The following MALRD1 variants were observed in gnomAD, a reference collection of about 807,000 sequenced individuals.
MALRD1 encodes the protein MAM and LDL-receptor class A domain-containing protein 1.
MALRD1 carries 247 observed loss-of-function variants against 242.1 expected under a neutral mutation model. The observed-to-expected ratio is 1.02, with a 90% CI of 0.92 to 1.13. The LOEUF (loss-of-function observed/expected upper bound fraction) is 1.13, where lower values mean the gene tolerates loss of function less well. MALRD1 is among the 50% of genes most tolerant of loss of function. The probability of loss-of-function intolerance (pLI) is 0.00; values close to 1 mark genes in which losing one functional copy is unlikely to be tolerated. For missense variants in MALRD1, 2,989 were observed against 2,533.1 expected, an observed-to-expected ratio of 1.18 and a Z score of -3.86; for synonymous variants, 995 against 866.6, an observed-to-expected ratio of 1.15 and a Z score of -2.60.
chr10:19,433,735 AG>A (rs1377331181), intron 28 of MALRD1, among the ~76,000 whole-genome samples: 14 of 152,142 alleles, frequency 9.2e-5, no homozygotes, highest in African/African-American at 3.4e-4. Context: ...GAGAATACAA[AG>A]GCTCAGTGAA....
Position 19,367,448 on chromosome 10 carries a change from T to C in MALRD1, c.4441+15151T>C, listed in dbSNP as rs79572722. Among the ~76,000 whole-genome samples the C allele has an allele frequency of 8.7e-4, 133 of 152,270 alleles. 2 individuals are homozygous for C. The East Asian group carries it at 0.024, about 27-fold the overall frequency. On this transcript the variant is annotated intron_variant, in intron 26 of 39. Coordinates refer to ENST00000454679, the MANE Select transcript of MALRD1 (RefSeq NM_001142308.3). ...TGTTGCTGCTCACGATGGGATTTCT[T>C]GCCTTTTTATGGCTGAATAAGATTG...
chr10:19,163,912 A>T (rs1834558616), intron 12 of MALRD1, among the ~76,000 whole-genome samples: 1 of 152,204 alleles, frequency 6.6e-6, no homozygotes, highest in Non-Finnish European at 1.5e-5. Context: ...CACACTGGTG[A>T]TGTACTGAGT....
intron 35 of MALRD1, among the ~76,000 whole-genome samples, chr10:19,609,499 A>G (rs1411990501): frequency 1.3e-5 from 2 of 152,056 alleles, no homozygotes; most frequent in Non-Finnish European, 2.9e-5. Context: ...TTTTAAGGTC[A>G]GCATTTAATA....
intron 4 of MALRD1, 125 bp downstream of exon 4, chr10:19,088,310 T>A (rs917698042): frequency 1.2e-6 from 1 of 855,570 alleles, no homozygotes; most frequent in Non-Finnish European, 1.5e-6. Context: ...TTCCCAGGAC[T>A]TTCAAATGCT....
intron 24 of MALRD1, among the ~76,000 whole-genome samples, chr10:19,342,132 G>A (rs1454233251): frequency 6.6e-6 from 1 of 152,020 alleles, no homozygotes; most frequent in Non-Finnish European, 1.5e-5. Flanking sequence ...TAAGGTCGAC[G>A]TTCCATCTGA....
intron 32 of MALRD1, among the ~76,000 whole-genome samples, chr10:19,564,908 C>T (rs1300807740): frequency 6.6e-6 from 1 of 152,094 alleles, no homozygotes; most frequent in African/African-American, 2.4e-5. Context: ...GTGGGCTTCT[C>T]ATTAGACATA....
chr10:19,387,615 A>T lies in MALRD1; in HGVS notation c.4529A>T (p.Asp1510Val). The T allele has an allele frequency of 6.4e-7, 1 of 1,550,410 alleles. No homozygotes were observed. The highest frequency in any genetic ancestry group is 8.7e-7 in the Non-Finnish European group (1 of 1,146,876). ...QSCNFVDNCGDNTDENECGSS... is the reference protein window; with the variant it reads ...QSCNFVDNCGVNTDENECGSS... ...TGTAACTTCGTAGATAACTGTGGAG[A>T]TAATACTGATGAAAATGAGTGTGGT... is the stretch of plus-strand genomic sequence containing the variant. Residue 1510 changes from aspartate to valine, a missense_variant, in exon 27 of 40, where the codon GAT becomes GTT. Transcript: ENST00000454679.
chr10:19,134,655 T>C (rs1442882424), intron 9 of MALRD1, among the ~76,000 whole-genome samples: 1 of 152,254 alleles, frequency 6.6e-6, no homozygotes, highest in Non-Finnish European at 1.5e-5. Flanking sequence ...TATCACAGCC[T>C]ATTGAGTTAA....
intron 14 of MALRD1, among the ~76,000 whole-genome samples, chr10:19,175,926 G>T (rs933295752): frequency 6.6e-6 from 1 of 151,978 alleles, no homozygotes; most frequent in South Asian, 2.1e-4. Flanking sequence ...ATCTCATATA[G>T]TCAACTATGT....
intron 34 of MALRD1, among the ~76,000 whole-genome samples, chr10:19,601,819 A>C (rs958409330): frequency 3.3e-5 from 5 of 152,120 alleles, no homozygotes; most frequent in African/African-American, 9.7e-5. Context: ...ATATGTTTTC[A>C]AGAAGATGAG....
chr10:19,527,916 C>T (rs748888403), intron 31 of MALRD1, among the ~76,000 whole-genome samples: 56 of 152,194 alleles, frequency 3.7e-4, no homozygotes, highest in Non-Finnish European at 7.5e-4. Flanking sequence ...TCCAGATATT[C>T]TTATTTAATT....
At chr10:19,348,859 T>C (rs1844243507) in intron 25 of MALRD1, among the ~76,000 whole-genome samples, 1 of 152,206 alleles carries the variant, frequency 6.6e-6, no homozygotes, top group Non-Finnish European at 1.5e-5. Flanking sequence ...ACATTTACAA[T>C]AAGAAATGCA....
intron 14 of MALRD1, among the ~76,000 whole-genome samples, chr10:19,197,184 G>A (rs573307237): frequency 6.6e-6 from 1 of 152,188 alleles, no homozygotes; most frequent in Non-Finnish European, 1.5e-5. Flanking sequence ...AGAACAGCAT[G>A]GGGGAAATCA....
At chr10:19,629,265 A>G (rs1170173684) in intron 36 of MALRD1, among the ~76,000 whole-genome samples, 4 of 152,160 alleles carry the variant, frequency 2.6e-5, no homozygotes, top group Non-Finnish European at 2.9e-5. Flanking sequence ...GGCATCCTCT[A>G]AGGAAAGGCA....
At chr10:19,646,918 A>G (rs181352577) in intron 36 of MALRD1, among the ~76,000 whole-genome samples, 1 of 152,314 alleles carries the variant, frequency 6.6e-6, no homozygotes, top group East Asian at 1.9e-4. Context: ...CCTTAACTGA[A>G]AACTCCTAAC....
intron 2 of MALRD1, among the ~76,000 whole-genome samples, chr10:19,070,525 T>G (rs1835111662): frequency 6.6e-6 from 1 of 152,162 alleles, no homozygotes; most frequent in South Asian, 2.1e-4. Flanking sequence ...TCTAAAATTT[T>G]TAATAGGTTG....
chr10:19,338,918 A>T (rs1248905390), intron 24 of MALRD1, among the ~76,000 whole-genome samples: 3 of 149,978 alleles, frequency 2.0e-5, no homozygotes, highest in Non-Finnish European at 4.4e-5. Context: ...ATATAAAACT[A>T]CATATATACT....
At chr10:19,566,295 C>T (rs1836245083) in intron 32 of MALRD1, among the ~76,000 whole-genome samples, 1 of 133,140 alleles carries the variant, frequency 7.5e-6, no homozygotes. Context: ...CCATGCCTGG[C>T]TAATTTTTTT....
chr10:19,145,185 C>A (rs2131437171), intron 10 of MALRD1, among the ~76,000 whole-genome samples: 1 of 152,238 alleles, frequency 6.6e-6, no homozygotes, highest in Non-Finnish European at 1.5e-5. Flanking sequence ...TAGTTGAATG[C>A]CCAGTCTTAT....
Sources: allele counts gnomAD v4.1 joint callset (sites outside exome capture counted in the v4.1 genomes callset), GRCh38; gene constraint gnomAD v4.1.1; transcripts MANE v1.5; gene names NCBI Gene and HGNC (gene_info 2026-07-23, HGNC 2026-07-21).